Variants in EPHA6 observed in about 807,000 individuals in gnomAD.
The protein encoded by EPHA6 is EPH receptor A6, also known as ephrin type-A receptor 6.
A neutral mutation model predicts 112.0 loss-of-function variants in EPHA6; 50 were observed. That is an observed-to-expected ratio of 0.45 (90% CI 0.36 to 0.56). The LOEUF is 0.56. EPHA6 is among the 20% of genes least tolerant of loss of function. EPHA6 has a pLI of 0.00. For missense variants in EPHA6, 1,280 were observed against 1,417.4 expected (o/e 0.90, Z 1.56); for synonymous variants, 529 against 490.7 (o/e 1.08, Z -1.03).
intron 2 of EPHA6, among the ~76,000 whole-genome samples, chr3:96,899,316 A>G (rs1348878081): frequency 6.6e-6 from 1 of 152,148 alleles, no homozygotes; most frequent in Non-Finnish European, 1.5e-5. Context: ...GACATCAGTC[A>G]TTGGACTTGG....
intron 3 of EPHA6, among the ~76,000 whole-genome samples, chr3:96,995,336 A>C (rs188458864): frequency 1.3e-5 from 2 of 152,218 alleles, no homozygotes; most frequent in African/African-American, 4.8e-5. Flanking sequence ...GGATCAGAAA[A>C]AAAGGGCAGA....
chr3:97,156,743 T>C (rs72922340), intron 3 of EPHA6, among the ~76,000 whole-genome samples: 2,092 of 152,284 alleles, frequency 0.014, 51 homozygotes, highest in African/African-American at 0.046. Context: ...TTGCTTGTTT[T>C]ACTCTTAACC....
intron 3 of EPHA6, among the ~76,000 whole-genome samples, chr3:97,135,856 C>CCACACACA (rs113592764): frequency 6.7e-6 from 1 of 148,228 alleles, no homozygotes; most frequent in Non-Finnish European, 1.5e-5. Flanking sequence ...GGATTAAATG[C>CCACACACA]CACACACACA....
chr3:96,879,985 A>G (rs1240293830), intron 2 of EPHA6, among the ~76,000 whole-genome samples: 1 of 152,016 alleles, frequency 6.6e-6, no homozygotes, highest in East Asian at 1.9e-4. Context: ...AGGATGAAAA[A>G]CTACCTATTG....
intron 5 of EPHA6, among the ~76,000 whole-genome samples, chr3:97,327,349 T>C (rs557356435): frequency 1.3e-5 from 2 of 152,066 alleles, no homozygotes; most frequent in Non-Finnish European, 2.9e-5. Flanking sequence ...CCTTGTGTAC[T>C]TTGTCCTCCA....
At chr3:97,347,151 G>A (rs1033553253) in intron 5 of EPHA6, among the ~76,000 whole-genome samples, 7 of 152,088 alleles carry the variant, frequency 4.6e-5, no homozygotes, top group African/African-American at 1.7e-4. Context: ...AAGGCATCAT[G>A]AAATCCTGTA....
intron 3 of EPHA6, among the ~76,000 whole-genome samples, chr3:97,061,646 T>C (rs370096507): frequency 1.5e-4 from 23 of 152,092 alleles, no homozygotes; most frequent in African/African-American, 5.6e-4. Flanking sequence ...TAAAAAGAAA[T>C]AAGACTGTGC....
chr3:96,864,108 A>G (rs1201695911), intron 1 of EPHA6, among the ~76,000 whole-genome samples: 3 of 152,118 alleles, frequency 2.0e-5, no homozygotes, highest in Admixed American at 6.6e-5. Flanking sequence ...GGAAAACCAT[A>G]CATTTCCCTA....
intron 3 of EPHA6, among the ~76,000 whole-genome samples, chr3:97,025,983 C>T (rs930637575): frequency 1.3e-5 from 2 of 152,222 alleles, no homozygotes; most frequent in East Asian, 1.9e-4. Context: ...GCCAGTTCTC[C>T]CAGCACCATT....
At chr3:97,318,916 T>C (rs2081971722) in intron 5 of EPHA6, among the ~76,000 whole-genome samples, 3 of 151,852 alleles carry the variant, frequency 2.0e-5, no homozygotes, top group African/African-American at 7.3e-5. Flanking sequence ...AAGTTATTTA[T>C]GTAAAAAAAA....
At chr3:97,737,523 G>A (rs1310302759) in intron 16 of EPHA6, among the ~76,000 whole-genome samples, 1 of 151,922 alleles carries the variant, frequency 6.6e-6, no homozygotes, top group East Asian at 1.9e-4. Context: ...TATGGAGGGA[G>A]GGAGGAGAAA....
intron 11 of EPHA6, among the ~76,000 whole-genome samples, chr3:97,580,810 A>T (rs1002706102): frequency 6.6e-6 from 1 of 152,246 alleles, no homozygotes; most frequent in Non-Finnish European, 1.5e-5. Context: ...GCTTACAAAA[A>T]GGAATAGCCT....
chr3:96,823,132 T>C (rs1278690074), intron 1 of EPHA6, among the ~76,000 whole-genome samples: 3 of 151,688 alleles, frequency 2.0e-5, no homozygotes, highest in Non-Finnish European at 3.0e-5. Context: ...GGCATAGTGT[T>C]CCATATGTTG....
chr3:96,840,564 G>A (rs927086926), intron 1 of EPHA6, among the ~76,000 whole-genome samples: 13 of 148,628 alleles, frequency 8.7e-5, no homozygotes, highest in African/African-American at 3.2e-4. Flanking sequence ...CAAAAGATGA[G>A]GAGATGAATG....
chr3:97,668,025 A>G (rs2030335482), intron 14 of EPHA6, among the ~76,000 whole-genome samples: 1 of 152,132 alleles, frequency 6.6e-6, no homozygotes. Context: ...ATGGTCACCA[A>G]ATTTCTCCCT....
intron 5 of EPHA6, among the ~76,000 whole-genome samples, chr3:97,330,181 C>A (rs2082712605): frequency 6.6e-6 from 1 of 151,986 alleles, no homozygotes; most frequent in Admixed American, 6.6e-5. Flanking sequence ...GTCTATATCT[C>A]TGTTTTGGTA....
At chr3:97,237,694 T>C (rs1479176195) in intron 4 of EPHA6, among the ~76,000 whole-genome samples, 1 of 152,066 alleles carries the variant, frequency 6.6e-6, no homozygotes, top group African/African-American at 2.4e-5. Context: ...CTTGAATTTA[T>C]TCATTAATTG....
intron 3 of EPHA6, among the ~76,000 whole-genome samples, chr3:97,060,108 A>G: frequency 6.6e-6 from 1 of 152,120 alleles, no homozygotes; most frequent in Admixed American, 6.6e-5. Flanking sequence ...GTGACAGGGC[A>G]AGACTCCGTC....
intron 5 of EPHA6, among the ~76,000 whole-genome samples, chr3:97,364,351 T>G (rs552222143): frequency 6.6e-6 from 1 of 151,706 alleles, no homozygotes; most frequent in Non-Finnish European, 1.5e-5. Context: ...TTAGTTTTTT[T>G]TTTTTTTTAC....
Sources: allele counts gnomAD v4.1 joint callset (sites outside exome capture counted in the v4.1 genomes callset), GRCh38; gene constraint gnomAD v4.1.1; transcripts MANE v1.5; gene names NCBI Gene and HGNC (gene_info 2026-07-23, HGNC 2026-07-21).